CEP164: variants seen among roughly 807,000 people sequenced by gnomAD.
The protein encoded by CEP164 is centrosomal protein 164, also known as centrosomal protein of 164 kDa.
In CEP164, 162 loss-of-function variants were observed where a neutral mutation model predicts 182.7. The ratio of observed to expected loss-of-function variants is 0.89; its 90% CI spans 0.78 to 1.01. CEP164 has a LOEUF of 1.01. Ranked by LOEUF, CEP164 falls within the 50% of genes least tolerant of loss-of-function variation. The pLI is 0.00. For synonymous variants in CEP164, 661 were observed against 690.0 expected, an observed-to-expected ratio of 0.96 and a Z score of 0.66; for missense variants, 1,735 against 1,790.4, an observed-to-expected ratio of 0.97 and a Z score of 0.56.
intron 5 of CEP164, among the ~76,000 whole-genome samples, chr11:117,354,547 A>G (rs923784365): frequency 1.3e-5 from 2 of 152,094 alleles, no homozygotes; most frequent in Non-Finnish European, 2.9e-5. Flanking sequence ...TGCACAATAT[A>G]GTACCCCGAG....
At chr11:117,325,201 C>T (rs1050855508), upstream of CEP164, among the ~76,000 whole-genome samples, 21 of 152,166 alleles carry the variant, frequency 1.4e-4, no homozygotes, top group Non-Finnish European at 2.9e-5. Context: ...TCTCCTGCCT[C>T]AGCCTCCCAA....
In CEP164 at chr11:117,392,278, C is replaced by T; in HGVS notation, c.2336C>T (p.Ser779Phe). ...AGTGCTGAGCTGGAGCGGCTCTGCT[C>T]CTCATTGGAGGCCAAGCACCGGGAG... ...EHSAELERLC[S>F]SLEAKHREVV... The change falls in exon 18 of 33, where the codon TCC becomes TTC. Residue 779 changes from serine to phenylalanine, a missense_variant. Coordinates refer to ENST00000278935, the MANE Select transcript of CEP164 (RefSeq NM_014956.5). 6.2e-7 allele frequency: 1 copy of T among 1,611,762 alleles called. No individual in the cohort carries two copies. The highest frequency in any genetic ancestry group is 8.5e-7 in the Non-Finnish European group (1 of 1,179,704).
At chr11:117,338,763 G>A in intron 3 of CEP164, 95 bp downstream of exon 3, 1 of 983,248 alleles carries the variant, frequency 1.0e-6, no homozygotes, top group South Asian at 1.3e-5. Flanking sequence ...TGCAAAGTAT[G>A]GTACATGTAC....
At chr11:117,363,319 C>G in intron 7 of CEP164, 110 bp from the exon 8 acceptor site, 1 of 725,232 alleles carries the variant, frequency 1.4e-6, no homozygotes, top group Non-Finnish European at 2.4e-6. Context: ...GAAGCCCTGC[C>G]TGGGCCCGCC....
intron 1 of CEP164, among the ~76,000 whole-genome samples, chr11:117,330,692 G>A (rs1427064236): frequency 6.6e-6 from 1 of 152,142 alleles, no homozygotes; most frequent in Non-Finnish European, 1.5e-5. Context: ...TGTCTGAATG[G>A]CCTTAACTTA....
chr11:117,374,568 G>A lies in CEP164; in HGVS notation c.1233+737G>A, dbSNP rs1354200230. ...TCTCACTGAGCCATGGGCTTAGAAGGCAGATGGCAGCTGCATTAAGTGAAG... is the reference window on the plus strand; with the variant it reads ...TCTCACTGAGCCATGGGCTTAGAAGACAGATGGCAGCTGCATTAAGTGAAG... On this transcript the variant is annotated intron_variant, in intron 10 of 32. Transcript: ENST00000278935. Among the ~76,000 whole-genome samples the A allele has an allele frequency of 3.3e-5, 5 of 152,292 alleles. No homozygotes were observed. The South Asian group carries it at 6.2e-4, about 19-fold the overall frequency.
In CEP164 at chr11:117,371,356, C is replaced by T. The variant is rs147746626; in HGVS notation, c.1042C>T (p.Pro348Ser). The change falls in exon 9 of 33, where the codon CCA becomes TCA. Residue 348 changes from proline (P) to serine (S), a missense_variant. Physicochemically the swap from Pro to Ser is moderately conservative, Grantham distance 74. Transcript: ENST00000278935. ...EPAKASEKEA[P>S]EDTVDAGEEG... ...TGCCAAAGCCTCTGAAAAGGAAGCA[C>T]CAGAGGACACAGTAGATGCAGGAGA... 1 of 1,614,182 alleles carries T rather than the reference C, an allele frequency of 6.2e-7. No homozygotes were observed. The highest frequency in any genetic ancestry group is 8.5e-7 in the Non-Finnish European group (1 of 1,180,026).
At chr11:117,373,702 C>A in intron 9 of CEP164, 49 bp from the exon 10 acceptor site, 1 of 1,528,404 alleles carries the variant, frequency 6.5e-7, no homozygotes, top group Non-Finnish European at 9.1e-7. Context: ...GGGACCATGA[C>A]TCTTTGTGCT....
At chr11:117,346,086 G>A (rs1030806032) in intron 4 of CEP164, among the ~76,000 whole-genome samples, 8 of 152,116 alleles carry the variant, frequency 5.3e-5, no homozygotes, top group Non-Finnish European at 1.5e-5. Flanking sequence ...AGGGCTTCTG[G>A]TCATGTTTGT....
intron 27 of CEP164, among the ~76,000 whole-genome samples, chr11:117,403,319 T>G (rs1426178569): frequency 6.6e-6 from 1 of 152,268 alleles, no homozygotes; most frequent in East Asian, 1.9e-4. Context: ...GTTGTTCCTT[T>G]CCACATTTAG....
chr11:117,400,200 A>T (rs1664108878), intron 27 of CEP164, among the ~76,000 whole-genome samples: 1 of 152,248 alleles, frequency 6.6e-6, no homozygotes, highest in Non-Finnish European at 1.5e-5. Flanking sequence ...AGTTTTCTGC[A>T]TATGGCTAGT....
In CEP164 at chr11:117,390,759, CT is replaced by C; in HGVS notation, c.1935-15del. ...TTTGTGGTTTCTCTGACAACCTAGCCTTTCCTTTCCATCTCAGTTCCTTGAG... is the reference window on the plus strand; with the variant it reads ...TTTGTGGTTTCTCTGACAACCTAGCCTTCCTTTCCATCTCAGTTCCTTGAG... On this transcript the variant is annotated splice_polypyrimidine_tract_variant and intron_variant, in intron 15 of 32. Transcript: ENST00000278935. 1.2e-6 allele frequency: 2 copies of C among 1,613,896 alleles called. No individual in the cohort carries two copies. The highest frequency in any genetic ancestry group is 1.7e-6 in the Non-Finnish European group (2 of 1,179,932).
intron 8 of CEP164, among the ~76,000 whole-genome samples, chr11:117,367,684 G>C (rs2135825421): frequency 6.6e-6 from 1 of 152,258 alleles, no homozygotes; most frequent in South Asian, 2.1e-4. Flanking sequence ...AAGTTCAGGG[G>C]TACCTGTGCA....
In CEP164 at chr11:117,355,954, C is replaced by G. The variant is rs1380218035; in HGVS notation, c.393+3966C>G. 9.1e-6 allele frequency: 10 copies of G among 1,101,862 alleles called. No homozygotes were observed. The African/African-American group carries it at 1.7e-4, about 18-fold the overall frequency. The allele number at this position is 1,101,862 out of a possible 1,614,324, so 68.3% of individuals were successfully genotyped here. Reference sequence around the variant, plus strand: ...GACAGGCCCTAGGGTCTGCAGAGCTCCCTTATAAAGATCAGAAGCCTAGCT... The same window carrying G: ...GACAGGCCCTAGGGTCTGCAGAGCTGCCTTATAAAGATCAGAAGCCTAGCT... On this transcript the variant is annotated intron_variant, in intron 5 of 32. Coordinates refer to ENST00000278935, the MANE Select transcript of CEP164 (RefSeq NM_014956.5).
intron 4 of CEP164, among the ~76,000 whole-genome samples, chr11:117,348,944 C>T (rs1468265203): frequency 6.6e-6 from 1 of 152,180 alleles, no homozygotes; most frequent in Non-Finnish European, 1.5e-5. Flanking sequence ...CCTCAAGGTG[C>T]ATCTATGTTG....
intron 25 of CEP164, among the ~76,000 whole-genome samples, 166 bp downstream of exon 25, chr11:117,396,346 C>T (rs560397405): frequency 6.6e-6 from 1 of 152,254 alleles, no homozygotes; most frequent in South Asian, 2.1e-4. Flanking sequence ...GAAGGGCTGG[C>T]TCTGTTCTCT....
chr11:117,350,170 A>G (rs1376880710), intron 4 of CEP164, among the ~76,000 whole-genome samples: 1 of 152,006 alleles, frequency 6.6e-6, no homozygotes, highest in Non-Finnish European at 1.5e-5. Context: ...TGGCCTCCCA[A>G]AGTGCTGGGA....
rs115322156 is a variant in CEP164 at position 117,356,765 on chromosome 11, C to T, written c.393+4777C>T. The T allele has an allele frequency of 2.6e-3, 1,979 of 754,130 alleles. 51 individuals carry two copies. In the African/African-American group the frequency reaches 0.035, roughly 13 times the overall value. 46.7% of individuals were successfully genotyped at this position (754,130 alleles called of 1,614,324 possible). ...TTGGCCCTTTAACTACCCAAATGGC[C>T]ATTTTATGGAATGACACATACTTGA... On this transcript the variant is annotated intron_variant, in intron 5 of 32. Coordinates refer to ENST00000278935, the MANE Select transcript of CEP164 (RefSeq NM_014956.5).
chr11:117,397,483 C>G (rs2045632809), intron 27 of CEP164, among the ~76,000 whole-genome samples, 170 bp downstream of exon 27: 1 of 152,198 alleles, frequency 6.6e-6, no homozygotes. Context: ...TATGCAAACA[C>G]CTTTTCTAGT....
Sources: gnomAD v4.1 joint callset for allele counts (sites outside exome capture counted in the v4.1 genomes callset) on GRCh38, gnomAD v4.1.1 for gene constraint, MANE v1.5 for transcripts, NCBI Gene and HGNC (gene_info 2026-07-23, HGNC 2026-07-21) for gene names.